Variants in EFNA2 observed in about 807,000 individuals in gnomAD.
The protein encoded by EFNA2 is ephrin-A2.
EFNA2 carries 18 observed loss-of-function variants against 19.7 expected under a neutral mutation model. The observed-to-expected ratio is 0.91, with a 90% CI of 0.63 to 1.35. The LOEUF is 1.35. Among genes scored for constraint, EFNA2 ranks in the 40% most tolerant of loss-of-function variants. The pLI, the probability that EFNA2 is intolerant of heterozygous loss-of-function variation, is 0.00. For missense variants in EFNA2, 303 were observed against 296.0 expected, an observed-to-expected ratio of 1.02 and a Z score of -0.17; for synonymous variants, 187 against 137.8, an observed-to-expected ratio of 1.36 and a Z score of -2.50.
chr19:1,290,486 G>A (rs2081486324), intron 1 of EFNA2, among the ~76,000 whole-genome samples: 1 of 152,208 alleles, frequency 6.6e-6, no homozygotes, highest in Admixed American at 6.5e-5. Flanking sequence ...AGGTCTGCAG[G>A]GGACTGGCCC....
Position 1,287,268 on chromosome 19 carries a change from C to T in EFNA2, c.140+960C>T, listed in dbSNP as rs1295131522. Among the ~76,000 whole-genome samples the T allele has an allele frequency of 3.3e-5, 5 of 152,036 alleles. No homozygotes were observed. Among genetic ancestry groups the T allele is most frequent in the East Asian group, 1.9e-4 (1 of 5,188 alleles). On this transcript the variant is annotated intron_variant, in intron 1 of 3. Transcript: ENST00000215368. This position sits in a 1 kb window ranked among gnomAD's most constrained non-coding sequence, Gnocchi z 6.2. ...CAGGCTGCAGCTTCCCTGGGGGTCC[C>T]GTGGGAGCCGGGGCTTTGGGGGTCC...
At chr19:1,293,065 T>G (rs1485281046) in intron 1 of EFNA2, among the ~76,000 whole-genome samples, 1 of 152,086 alleles carries the variant, frequency 6.6e-6, no homozygotes, top group Non-Finnish European at 1.5e-5. Context: ...TTTTTTGGGT[T>G]GAATGTGGCT....
chr19:1,292,227 C>T (rs1237342662), intron 1 of EFNA2, among the ~76,000 whole-genome samples: 1 of 152,220 alleles, frequency 6.6e-6, no homozygotes, highest in Non-Finnish European at 1.5e-5. Context: ...AACTTGGAAC[C>T]GGGAATGCCA....
At chr19:1,285,528 G>A (rs574293494), upstream of EFNA2, among the ~76,000 whole-genome samples, 5 of 152,274 alleles carry the variant, frequency 3.3e-5, no homozygotes, top group African/African-American at 1.2e-4. The surrounding 1 kb of genome is among the most constrained non-coding windows in gnomAD (Gnocchi z 4.1). Flanking sequence ...GGCCGAGCCC[G>A]ATTTGGGACG....
chr19:1,285,698 G>C (rs1339138438), upstream of EFNA2, among the ~76,000 whole-genome samples: 2 of 151,446 alleles, frequency 1.3e-5, no homozygotes, highest in African/African-American at 4.8e-5. This position sits in a 1 kb window ranked among gnomAD's most constrained non-coding sequence, Gnocchi z 4.1. Context: ...ATGCCGGCGG[G>C]GGGCGCGCAG....
chr19:1,295,652 C>G lies in EFNA2; in HGVS notation c.248C>G (p.Ala83Gly), dbSNP rs2081510649. The change falls in exon 2 of 4, where the codon GCC becomes GGC. Residue 83 changes from alanine to glycine, a missense_variant. Physicochemically the swap from Ala to Gly is moderately conservative, Grantham distance 60 (BLOSUM62 0). Coordinates refer to ENST00000215368, the MANE Select transcript of EFNA2 (RefSeq NM_001405.4). The surrounding 1 kb of genome is among the most constrained non-coding windows in gnomAD (Gnocchi z 5.8). ...CACTATGGGGCGCCGCTGCCGCCGGCCGAGCGCATGGAGCACTACGTGCTG... is the reference window on the plus strand; with the variant it reads ...CACTATGGGGCGCCGCTGCCGCCGGGCGAGCGCATGGAGCACTACGTGCTG... ...CPHYGAPLPP[A>G]ERMEHYVLYM... 2.5e-6 allele frequency: 4 copies of G among 1,611,676 alleles called. No individual in the cohort carries two copies. The highest frequency in any genetic ancestry group is 3.4e-6 in the Non-Finnish European group (4 of 1,179,424).
rs953420504 is a variant in EFNA2 at position 1,294,372 on chromosome 19, C to T, written c.141-1173C>T. Among the ~76,000 whole-genome samples, 28 of 152,270 alleles carry T rather than the reference C, an allele frequency of 1.8e-4. No homozygotes were observed. Among genetic ancestry groups the T allele is most frequent in the South Asian group, 4.1e-4 (2 of 4,826 alleles). The stretch of plus-strand genomic sequence containing the variant: ...CTCGGCTGATCTCTATCCTCACAGA[C>T]GAGGCTGGGTCAGGGGGCTCCCTGG... On this transcript the variant is annotated intron_variant, in intron 1 of 3. Transcript: ENST00000215368. This position sits in a 1 kb window ranked among gnomAD's most constrained non-coding sequence, Gnocchi z 5.8.
intron 1 of EFNA2, among the ~76,000 whole-genome samples, chr19:1,289,066 G>T (rs1465281107): frequency 6.6e-6 from 1 of 152,366 alleles, no homozygotes; most frequent in Admixed American, 6.5e-5. Context: ...CGGTGGGGAA[G>T]GGTGGCGTGC....
intron 1 of EFNA2, among the ~76,000 whole-genome samples, chr19:1,293,305 G>C (rs1009802379): frequency 2.0e-5 from 3 of 152,234 alleles, no homozygotes; most frequent in Admixed American, 2.0e-4. Flanking sequence ...AGCAGCTTCT[G>C]CATCGATCGT....
intron 1 of EFNA2, among the ~76,000 whole-genome samples, chr19:1,289,776 G>A (rs1349863816): frequency 1.3e-5 from 2 of 152,192 alleles, no homozygotes; most frequent in Non-Finnish European, 2.9e-5. Context: ...CCCGAGGGAG[G>A]AGCCGTCCCC....
chr19:1,300,832 C>T lies in EFNA2; in HGVS notation c.*887C>T, dbSNP rs1287493631. Among the ~76,000 whole-genome samples the T allele has an allele frequency of 6.6e-6, 1 of 152,216 alleles. No homozygotes were observed. Among genetic ancestry groups the T allele is most frequent in the African/African-American group, 2.4e-5 (1 of 41,468 alleles). ...GTCCCCCTCGCCTCACACGGTCCCT[C>T]TCCGAGGCCGAGAAGACCTTCTGTT... is the stretch of plus-strand genomic sequence containing the variant. On this transcript the variant is annotated 3_prime_UTR_variant, in exon 4 of 4. Transcript: ENST00000215368.
rs974566989 is a variant in EFNA2 at position 1,298,416 on chromosome 19, C to T, written c.455-135C>T. 16 of 754,166 alleles carry T rather than the reference C, an allele frequency of 2.1e-5. No homozygotes were observed. The East Asian group carries it at 2.2e-4, about 10-fold the overall frequency. 46.7% of individuals were successfully genotyped at this position (754,166 alleles called of 1,614,324 possible). On this transcript the variant is annotated intron_variant, in intron 2 of 3. Coordinates refer to ENST00000215368, the MANE Select transcript of EFNA2 (RefSeq NM_001405.4). Reference sequence around the variant, plus strand: ...GCATTGTGTCTGGGGCTTTGATGTACGATTAGGAGTTTTAAGGGTGGCTCT... The same window carrying T: ...GCATTGTGTCTGGGGCTTTGATGTATGATTAGGAGTTTTAAGGGTGGCTCT...
At position 1,300,455 on chromosome 19, in the gene EFNA2, C is replaced by T. The variant is rs1030784864; in HGVS notation, c.*510C>T. On this transcript the variant is annotated 3_prime_UTR_variant, in exon 4 of 4. Coordinates refer to ENST00000215368, the MANE Select transcript of EFNA2 (RefSeq NM_001405.4). ...CCCCACTCGTGGGGGAACACAGCCGCTCCCCTCTGCTCTGCACCCCACTCG... is the reference window on the plus strand; with the variant it reads ...CCCCACTCGTGGGGGAACACAGCCGTTCCCCTCTGCTCTGCACCCCACTCG... Among the ~76,000 whole-genome samples, 31 of 150,426 alleles carry T rather than the reference C, an allele frequency of 2.1e-4. No individual in the cohort carries two copies. Among genetic ancestry groups the T allele is most frequent in the African/African-American group, 3.6e-4 (15 of 41,126 alleles).
At chr19:1,292,819 C>T (rs937240547) in intron 1 of EFNA2, among the ~76,000 whole-genome samples, 2 of 152,178 alleles carry the variant, frequency 1.3e-5, no homozygotes, top group African/African-American at 2.4e-5. Flanking sequence ...CCCCGGCAGA[C>T]CCTCACCGCA....
upstream of EFNA2, among the ~76,000 whole-genome samples, chr19:1,285,575 G>A (rs2081459343): frequency 6.6e-6 from 1 of 152,104 alleles, no homozygotes; most frequent in Non-Finnish European, 1.5e-5. The surrounding 1 kb of genome is among the most constrained non-coding windows in gnomAD (Gnocchi z 4.1). Flanking sequence ...GATAGCGCTG[G>A]AACCGGGCAG....
At chr19:1,284,815 G>C (rs569608121), upstream of EFNA2, among the ~76,000 whole-genome samples, 9 of 152,342 alleles carry the variant, frequency 5.9e-5, no homozygotes, top group African/African-American at 2.2e-4. The surrounding 1 kb of genome is among the most constrained non-coding windows in gnomAD (Gnocchi z 5.3). Context: ...TCCTGCACTG[G>C]GCCTGGTGAA....
At position 1,286,529 on chromosome 19, in the gene EFNA2, C is replaced by T. The variant is rs570133926; in HGVS notation, c.140+221C>T. On this transcript the variant is annotated intron_variant, in intron 1 of 3. Coordinates refer to ENST00000215368, the MANE Select transcript of EFNA2 (RefSeq NM_001405.4). This position sits in a 1 kb window ranked among gnomAD's most constrained non-coding sequence, Gnocchi z 5.6. Reference sequence around the variant, plus strand: ...GCCTTCCCCGGGGCGCCCCATTGCCCTACGGACTGTGGGGACTCGCGCCCC... The same window carrying T: ...GCCTTCCCCGGGGCGCCCCATTGCCTTACGGACTGTGGGGACTCGCGCCCC... 1.2e-4 allele frequency among the ~76,000 whole-genome samples: 19 copies of T among 152,094 alleles called. 1 individual carries two copies. In the Middle Eastern group the frequency reaches 0.014, roughly 109 times the overall value.
rs1382422968 is a variant in EFNA2 at position 1,287,243 on chromosome 19, C to G, written c.140+935C>G. The stretch of plus-strand genomic sequence containing the variant: ...CATCCCAGGGTCTCCAAGACAGGAG[C>G]AGGCTGCAGCTTCCCTGGGGGTCCC... On this transcript the variant is annotated intron_variant, in intron 1 of 3. Coordinates refer to ENST00000215368, the MANE Select transcript of EFNA2 (RefSeq NM_001405.4). The surrounding 1 kb of genome is among the most constrained non-coding windows in gnomAD (Gnocchi z 6.2). Among the ~76,000 whole-genome samples the G allele has an allele frequency of 6.6e-6, 1 of 152,190 alleles. No homozygotes were observed. The highest frequency in any genetic ancestry group is 1.5e-5 in the Non-Finnish European group (1 of 68,026).
chr19:1,295,877 G>T lies in EFNA2; in HGVS notation c.454+19G>T, dbSNP rs755064285. On this transcript the variant is annotated intron_variant, in intron 2 of 3. Transcript: ENST00000215368. This position sits in a 1 kb window ranked among gnomAD's most constrained non-coding sequence, Gnocchi z 5.8. ...TACATCTGTGAGTGGGGTCGGGCCG[G>T]GGCTGCCGGGGCCCGAGTGGGCGGG... 6.4e-7 allele frequency: 1 copy of T among 1,558,990 alleles called. No individual in the cohort carries two copies. Among genetic ancestry groups the T allele is most frequent in the South Asian group, 1.2e-5 (1 of 83,978 alleles).
Sources: gnomAD v4.1 joint callset for allele counts (sites outside exome capture counted in the v4.1 genomes callset) on GRCh38, gnomAD v4.1.1 for gene constraint, Gnocchi (gnomAD v3.1) non-coding constraint, MANE v1.5 for transcripts, NCBI Gene and HGNC (gene_info 2026-07-23, HGNC 2026-07-21) for gene names.